ITPK1: variants seen among roughly 807,000 people sequenced by gnomAD.
ITPK1 encodes inositol-tetrakisphosphate 1-kinase.
A neutral mutation model predicts 45.3 loss-of-function variants in ITPK1; 21 were observed. The observed-to-expected ratio is 0.46, with a 90% CI of 0.33 to 0.67. The LOEUF (loss-of-function observed/expected upper bound fraction) is 0.67. Among genes scored for constraint, ITPK1 ranks in the 30% least tolerant of loss-of-function variants. The probability of loss-of-function intolerance (pLI) is 0.02; values close to 1 mark genes in which losing one functional copy is unlikely to be tolerated. For synonymous variants in ITPK1, 258 were observed against 253.6 expected (o/e 1.02, Z -0.16); for missense variants, 474 against 573.5 (o/e 0.83, Z 1.77).
At position 92,938,761 on chromosome 14, in the gene ITPK1, C is replaced by A; in HGVS notation, c.*2800G>T. ...GTTCCAGGGTGGCCTCCCCTTGGCT[C>A]TTGGGGTGGGGACACCCAGCAGCTG... On this transcript the variant is annotated 3_prime_UTR_variant, in exon 11 of 11. Transcript: ENST00000267615. The A allele has an allele frequency of 1.7e-6, 1 of 594,578 alleles. No homozygotes were observed. The allele number at this position is 594,578 out of a possible 1,614,324, so 36.8% of individuals were successfully genotyped here.
Position 93,038,631 on chromosome 14 carries a change from G to A in ITPK1, c.121-21830C>T, listed in dbSNP as rs143830056. On this transcript the variant is annotated intron_variant, in intron 3 of 10. Coordinates refer to ENST00000267615, the MANE Select transcript of ITPK1 (RefSeq NM_014216.6). ...CAACCTCCACCTCCTGGGTTCAAGCGATTCTCCTGCCTCAGCCTCCCATGT... is the reference window on the plus strand; with the variant it reads ...CAACCTCCACCTCCTGGGTTCAAGCAATTCTCCTGCCTCAGCCTCCCATGT... Among the ~76,000 whole-genome samples the A allele has an allele frequency of 2.6e-3, 399 of 152,244 alleles. 2 individuals carry two copies. The highest frequency in any genetic ancestry group is 9.1e-3 in the African/African-American group (380 of 41,538).
At chr14:93,043,408 GT>G (rs1889646390) in intron 3 of ITPK1, among the ~76,000 whole-genome samples, 1 of 152,264 alleles carries the variant, frequency 6.6e-6, no homozygotes, top group Non-Finnish European at 1.5e-5. Context: ...CCAGTGCTCT[GT>G]GGAGTCACTG....
intron 3 of ITPK1, among the ~76,000 whole-genome samples, chr14:93,073,213 G>A (rs770559224): frequency 3.9e-5 from 6 of 152,196 alleles, no homozygotes; most frequent in East Asian, 1.9e-4. Flanking sequence ...ACACAGCGTC[G>A]TTAAGCAACT....
intron 3 of ITPK1, among the ~76,000 whole-genome samples, chr14:93,017,957 A>G (rs1888268849): frequency 6.6e-6 from 1 of 152,212 alleles, no homozygotes; most frequent in African/African-American, 2.4e-5. Context: ...CTAGGGTCTC[A>G]CAGCAGGAAG....
chr14:93,052,914 C>A (rs1200486184), intron 3 of ITPK1, among the ~76,000 whole-genome samples: 1 of 150,534 alleles, frequency 6.6e-6, no homozygotes, highest in Non-Finnish European at 1.5e-5. Flanking sequence ...CTGTTTAAAA[C>A]CAGTGGTTCT....
Position 93,080,426 on chromosome 14 carries a change from C to T in ITPK1, c.96-3807G>A, listed in dbSNP as rs190796392. On this transcript the variant is annotated intron_variant, in intron 2 of 10. Transcript: ENST00000267615. ...CTTAAATAGATGCTTGATAAAAGCACGAAGCAATCGATCAATGGAGGACAC... is the reference window on the plus strand; with the variant it reads ...CTTAAATAGATGCTTGATAAAAGCATGAAGCAATCGATCAATGGAGGACAC... 9.2e-5 allele frequency among the ~76,000 whole-genome samples: 14 copies of T among 152,256 alleles called. No individual in the cohort carries two copies. In the East Asian group the frequency reaches 1.2e-3, roughly 13 times the overall value.
chr14:93,032,785 G>T lies in ITPK1; in HGVS notation c.121-15984C>A. Reference sequence around the variant, plus strand: ...ACCCTGGTGAGTTGCTGGGACTCACGAAGGGGCCATCGCACTCTGCAGACT... The same window carrying T: ...ACCCTGGTGAGTTGCTGGGACTCACTAAGGGGCCATCGCACTCTGCAGACT... On this transcript the variant is annotated intron_variant, in intron 3 of 10. Transcript: ENST00000267615. The surrounding 1 kb of genome is among the most constrained non-coding windows in gnomAD (Gnocchi z 4.0). Among the ~76,000 whole-genome samples, 1 of 152,322 alleles carries T rather than the reference G, an allele frequency of 6.6e-6. No homozygotes were observed. The highest frequency in any genetic ancestry group is 1.5e-5 in the Non-Finnish European group (1 of 68,034).
intron 2 of ITPK1, among the ~76,000 whole-genome samples, chr14:93,114,680 G>A (rs1053921897): frequency 6.6e-6 from 1 of 152,200 alleles, no homozygotes; most frequent in Non-Finnish European, 1.5e-5. Flanking sequence ...TGAAAGGGAA[G>A]GGGACGAAGG....
chr14:92,979,531 C>G (rs1466916110), intron 5 of ITPK1, among the ~76,000 whole-genome samples: 1 of 152,054 alleles, frequency 6.6e-6, no homozygotes, highest in African/African-American at 2.4e-5. Context: ...GGGGGAGGGA[C>G]CTGGTGGGAG....
Position 93,034,812 on chromosome 14 carries a change from G to T in ITPK1, c.121-18011C>A, listed in dbSNP as rs1208968763. ...GCAGTGGGCAGTGGGCAGTGCCAGT[G>T]CCCAGGGGCTATGCCCTGTGTGGGC... On this transcript the variant is annotated intron_variant, in intron 3 of 10. Transcript: ENST00000267615. The surrounding 1 kb of genome is among the most constrained non-coding windows in gnomAD (Gnocchi z 4.1). Among the ~76,000 whole-genome samples, 1 of 152,252 alleles carries T rather than the reference G, an allele frequency of 6.6e-6. No homozygotes were observed. Among genetic ancestry groups the T allele is most frequent in the Admixed American group, 6.5e-5 (1 of 15,294 alleles).
chr14:93,024,633 C>T (rs994898993), intron 3 of ITPK1, among the ~76,000 whole-genome samples: 3 of 152,210 alleles, frequency 2.0e-5, no homozygotes, highest in Admixed American at 6.5e-5. Flanking sequence ...ACCAGAACTA[C>T]CGGGACCCTT....
chr14:93,100,597 C>G (rs1892277296), intron 2 of ITPK1, among the ~76,000 whole-genome samples: 1 of 151,644 alleles, frequency 6.6e-6, no homozygotes, highest in South Asian at 2.1e-4. Context: ...AGACCAGGCC[C>G]TATTGGACTG....
At chr14:93,098,662 C>T (rs994161413) in intron 2 of ITPK1, among the ~76,000 whole-genome samples, 4 of 152,158 alleles carry the variant, frequency 2.6e-5, no homozygotes, top group East Asian at 1.9e-4. Context: ...GGTGCAGGGC[C>T]GCACAGCTCA....
At chr14:93,086,802 G>A (rs1013499265) in intron 2 of ITPK1, among the ~76,000 whole-genome samples, 7 of 152,242 alleles carry the variant, frequency 4.6e-5, no homozygotes, top group African/African-American at 1.7e-4. Context: ...ATGGGCACTG[G>A]GGTTTCCTGG....
chr14:92,987,398 G>A (rs1330313519), intron 5 of ITPK1, among the ~76,000 whole-genome samples: 1 of 152,178 alleles, frequency 6.6e-6, no homozygotes, highest in Non-Finnish European at 1.5e-5. Flanking sequence ...CCTCAACTGA[G>A]AGCCCGGCCA....
intron 3 of ITPK1, chr14:93,067,893 T>C (rs1406215303): frequency 6.6e-6 from 1 of 151,254 alleles, no homozygotes; most frequent in East Asian, 2.0e-4. Flanking sequence ...GGGAAAAAAA[T>C]ACCTGCATTT....
intron 2 of ITPK1, among the ~76,000 whole-genome samples, chr14:93,109,506 G>C (rs1386892874): frequency 6.6e-6 from 1 of 152,206 alleles, no homozygotes; most frequent in Non-Finnish European, 1.5e-5. Flanking sequence ...ATGTTAGCTA[G>C]TAATAGTAAC....
intron 5 of ITPK1, among the ~76,000 whole-genome samples, chr14:92,986,020 G>A (rs552404610): frequency 9.2e-5 from 14 of 152,142 alleles, no homozygotes; most frequent in South Asian, 2.1e-4. Context: ...TCACTATGGC[G>A]CTGCTTCTGA....
At chr14:92,976,030 C>T (rs1343119132) in intron 5 of ITPK1, among the ~76,000 whole-genome samples, 1 of 152,178 alleles carries the variant, frequency 6.6e-6, no homozygotes, top group African/African-American at 2.4e-5. Flanking sequence ...TGTTTGCTTC[C>T]CCTTCCACCA....
Sources: allele counts gnomAD v4.1 joint callset (sites outside exome capture counted in the v4.1 genomes callset), GRCh38; gene constraint gnomAD v4.1.1; non-coding constraint Gnocchi (gnomAD v3.1); transcripts MANE v1.5; gene names NCBI Gene and HGNC (gene_info 2026-07-23, HGNC 2026-07-21).